The following BMERB1 variants were observed in gnomAD, a reference collection of about 807,000 sequenced individuals.
The protein encoded by BMERB1 is bMERB domain containing 1.
A neutral mutation model predicts 23.6 loss-of-function variants in BMERB1; 12 were observed. The observed-to-expected ratio is 0.51, with a 90% CI of 0.33 to 0.82. BMERB1 has a LOEUF of 0.82. Ranked by LOEUF, BMERB1 falls within the 40% of genes least tolerant of loss-of-function variation. The probability of loss-of-function intolerance (pLI) is 0.03; values close to 1 mark genes in which losing one functional copy is unlikely to be tolerated. For missense variants in BMERB1, 247 were observed against 255.4 expected (o/e 0.97, Z 0.22); for synonymous variants, 122 against 96.6 (o/e 1.26, Z -1.54).
At chr16:15,499,507 G>T (rs982794906) in intron 1 of BMERB1, among the ~76,000 whole-genome samples, 1 of 152,134 alleles carries the variant, frequency 6.6e-6, no homozygotes, top group Non-Finnish European at 1.5e-5. Flanking sequence ...GGACTTCTAT[G>T]AGGTCACAGA....
chr16:15,517,095 G>A (rs1316312503), intron 2 of BMERB1, among the ~76,000 whole-genome samples: 1 of 152,184 alleles, frequency 6.6e-6, no homozygotes, highest in Non-Finnish European at 1.5e-5. Flanking sequence ...AGACATCTCT[G>A]AGGAAGGTTC....
At chr16:15,511,747 C>T (rs140720674) in intron 1 of BMERB1, among the ~76,000 whole-genome samples, 129 of 152,112 alleles carry the variant, frequency 8.5e-4, no homozygotes, top group Non-Finnish European at 1.5e-3. Context: ...CACGGTGGCT[C>T]GCGCCTGTAA....
chr16:15,482,017 C>A (rs1054544301), intron 1 of BMERB1, among the ~76,000 whole-genome samples: 2 of 152,090 alleles, frequency 1.3e-5, no homozygotes, highest in African/African-American at 4.8e-5. Flanking sequence ...AGGCATGAGC[C>A]ACCGCGCCTG....
chr16:15,522,931 C>T (rs1039916686), intron 2 of BMERB1, among the ~76,000 whole-genome samples: 3 of 152,182 alleles, frequency 2.0e-5, no homozygotes, highest in Non-Finnish European at 4.4e-5. Context: ...AGACCCTCTA[C>T]GTTGTCCCAA....
chr16:15,541,094 C>G (rs936995202), intron 2 of BMERB1, among the ~76,000 whole-genome samples: 6 of 152,036 alleles, frequency 3.9e-5, no homozygotes, highest in Non-Finnish European at 5.9e-5. Context: ...TGGGGGTTCC[C>G]ACGACCACCT....
chr16:15,520,914 A>C (rs1186656651), intron 2 of BMERB1, among the ~76,000 whole-genome samples: 1 of 152,192 alleles, frequency 6.6e-6, no homozygotes, highest in Non-Finnish European at 1.5e-5. Flanking sequence ...ATATCAAAGA[A>C]CTGAAACTCA....
intron 1 of BMERB1, among the ~76,000 whole-genome samples, chr16:15,474,028 G>A (rs2051255239): frequency 6.6e-6 from 1 of 151,710 alleles, no homozygotes; most frequent in South Asian, 2.1e-4. Flanking sequence ...GCTGAGGCAG[G>A]AGAATGGCGT....
intron 2 of BMERB1, among the ~76,000 whole-genome samples, chr16:15,550,415 C>T (rs2030052606): frequency 6.6e-6 from 1 of 152,116 alleles, no homozygotes. Context: ...TCACTGCAAC[C>T]TCTGCCTCCC....
chr16:15,484,308 C>T (rs1389854791), intron 1 of BMERB1, among the ~76,000 whole-genome samples: 1 of 152,154 alleles, frequency 6.6e-6, no homozygotes, highest in African/African-American at 2.4e-5. Flanking sequence ...GCATCTCCCC[C>T]TTCTCCTGCC....
At chr16:15,451,996 T>C (rs2051046305) in intron 1 of BMERB1, among the ~76,000 whole-genome samples, 1 of 151,892 alleles carries the variant, frequency 6.6e-6, no homozygotes, top group South Asian at 2.1e-4. Context: ...AAACAAAAAA[T>C]AGCTCTAGGC....
intron 2 of BMERB1, among the ~76,000 whole-genome samples, chr16:15,564,426 T>TG (rs2030511305): frequency 6.6e-6 from 1 of 152,218 alleles, no homozygotes; most frequent in African/African-American, 2.4e-5. Flanking sequence ...AAATAAGAGA[T>TG]AATCACTTCA....
chr16:15,515,292 G>A lies in BMERB1; in HGVS notation c.107-13G>A, dbSNP rs1231054068. On this transcript the variant is annotated splice_polypyrimidine_tract_variant and intron_variant, in intron 1 of 5. Coordinates refer to ENST00000300006, the MANE Select transcript of BMERB1 (RefSeq NM_033201.3). ...TGGGGTCCTGATGGTTGTATTTCCT[G>A]TCTCCTGCACAGATCAGCTGGACAT... 3 of 1,612,800 alleles carry A rather than the reference G, an allele frequency of 1.9e-6. No individual in the cohort carries two copies. The highest frequency in any genetic ancestry group is 2.5e-6 in the Non-Finnish European group (3 of 1,179,868).
chr16:15,510,473 A>G (rs1417496454), intron 1 of BMERB1, among the ~76,000 whole-genome samples: 2 of 152,164 alleles, frequency 1.3e-5, no homozygotes, highest in South Asian at 2.1e-4. Context: ...AACGAGGGCA[A>G]TTGCAAGCAT....
chr16:15,580,039 A>C (rs1413689756), intron 3 of BMERB1, among the ~76,000 whole-genome samples: 6 of 151,886 alleles, frequency 4.0e-5, no homozygotes, highest in Non-Finnish European at 8.8e-5. Flanking sequence ...TAAGCCCAGC[A>C]TGCATTAGCT....
chr16:15,458,805 A>G (rs2051110248), intron 1 of BMERB1, among the ~76,000 whole-genome samples: 1 of 151,836 alleles, frequency 6.6e-6, no homozygotes, highest in Non-Finnish European at 1.5e-5. Context: ...AAAATAATAC[A>G]GTAAAAAAAA....
rs137891460 is a variant in BMERB1 at position 15,540,625 on chromosome 16, A to T, written c.230+25197A>T. Among the ~76,000 whole-genome samples, 532 of 152,336 alleles carry T rather than the reference A, an allele frequency of 3.5e-3. 7 individuals are homozygous for T. Among genetic ancestry groups the T allele is most frequent in the African/African-American group, 0.012 (507 of 41,580 alleles). On this transcript the variant is annotated intron_variant, in intron 2 of 5. Transcript: ENST00000300006. ...AGGAAACACTGGCTTTGCTACCCTG[A>T]GCCACACTTTTCCTTCTTGCCTGCA...
At chr16:15,515,029 C>T (rs779194258) in intron 1 of BMERB1, among the ~76,000 whole-genome samples, 2 of 152,266 alleles carry the variant, frequency 1.3e-5, no homozygotes, top group Non-Finnish European at 2.9e-5. Flanking sequence ...TTGCAGTGAG[C>T]CGAGATCGCT....
intron 2 of BMERB1, among the ~76,000 whole-genome samples, chr16:15,544,400 G>T (rs2052113066): frequency 6.6e-6 from 1 of 152,158 alleles, no homozygotes; most frequent in Non-Finnish European, 1.5e-5. Flanking sequence ...TAGTTCACTG[G>T]GCACATTCCC....
intron 1 of BMERB1, among the ~76,000 whole-genome samples, chr16:15,484,257 C>T (rs2051349098): frequency 6.6e-6 from 1 of 152,120 alleles, no homozygotes; most frequent in African/African-American, 2.4e-5. Flanking sequence ...ATGTTCAGAC[C>T]ACATCAAAAG....
Sources: allele counts gnomAD v4.1 joint callset (sites outside exome capture counted in the v4.1 genomes callset), GRCh38; gene constraint gnomAD v4.1.1; transcripts MANE v1.5; gene names NCBI Gene and HGNC (gene_info 2026-07-23, HGNC 2026-07-21).